SDAD1: variants seen among roughly 807,000 people sequenced by gnomAD.
SDAD1 encodes the protein protein SDA1 homolog.
A neutral mutation model predicts 100.3 loss-of-function variants in SDAD1; 79 were observed. That is an observed-to-expected ratio of 0.79 (90% CI 0.66 to 0.95). The LOEUF (loss-of-function observed/expected upper bound fraction) is 0.95, where lower values mean the gene tolerates loss of function less well. Ranked by LOEUF, SDAD1 falls within the 40% of genes least tolerant of loss-of-function variation. The probability of loss-of-function intolerance (pLI) is 0.00; values close to 1 mark genes in which losing one functional copy is unlikely to be tolerated. For missense variants in SDAD1, 790 were observed against 810.9 expected (o/e 0.97, Z 0.31); for synonymous variants, 267 against 271.4 (o/e 0.98, Z 0.16).
At chr4:75,952,273 C>CTCAT (rs1728662532) in intron 21 of SDAD1, among the ~76,000 whole-genome samples, 1 of 152,194 alleles carries the variant, frequency 6.6e-6, no homozygotes, top group African/African-American at 2.4e-5. Context: ...ATAGTGAAGT[C>CTCAT]TCATGCTAAG....
intron 13 of SDAD1, 128 bp downstream of exon 13, chr4:75,965,636 C>A: frequency 1.3e-6 from 1 of 767,548 alleles, no homozygotes; most frequent in Non-Finnish European, 2.3e-6. Flanking sequence ...CTCAGACCAT[C>A]TGACAAGAAA....
chr4:75,952,441 T>C (rs1023260778), intron 21 of SDAD1, among the ~76,000 whole-genome samples: 2 of 152,228 alleles, frequency 1.3e-5, no homozygotes, highest in African/African-American at 4.8e-5. Flanking sequence ...TTTCTTCTTT[T>C]ATCTTTCTAC....
In SDAD1 at chr4:75,954,938, G is replaced by A. The variant is rs559874748; in HGVS notation, c.2016+1037C>T. Among the ~76,000 whole-genome samples, 109 of 152,276 alleles carry A rather than the reference G, an allele frequency of 7.2e-4. No individual in the cohort carries two copies. The Middle Eastern group carries it at 0.01, about 14-fold the overall frequency. On this transcript the variant is annotated intron_variant, in intron 21 of 21. Transcript: ENST00000356260. ...CCCTTATCTTGCCACGGCTCTTGTA[G>A]GTCTCTTCAAGAGTAAGGCATACTA...
intron 6 of SDAD1, 108 bp downstream of exon 6, chr4:75,975,636 A>C: frequency 3.0e-6 from 2 of 673,478 alleles, no homozygotes; most frequent in South Asian, 2.3e-5. Flanking sequence ...CTATGACATA[A>C]GTATATTAAA....
chr4:75,967,995 G>C (rs1045692486), intron 11 of SDAD1, among the ~76,000 whole-genome samples: 4 of 152,186 alleles, frequency 2.6e-5, no homozygotes, highest in African/African-American at 9.7e-5. Context: ...TATCAGTTAG[G>C]TGGGAATAAA....
intron 3 of SDAD1, among the ~76,000 whole-genome samples, chr4:75,978,620 G>A (rs1310650565): frequency 6.6e-6 from 1 of 151,960 alleles, no homozygotes; most frequent in Non-Finnish European, 1.5e-5. Flanking sequence ...AAGTCTTGGG[G>A]CAGGAAAAAC....
Position 75,985,329 on chromosome 4 carries a change from G to C in SDAD1, c.91-3292C>G, listed in dbSNP as rs900879461. 2.6e-5 allele frequency among the ~76,000 whole-genome samples: 4 copies of C among 152,100 alleles called. No individual in the cohort carries two copies. The South Asian group carries it at 8.3e-4, about 32-fold the overall frequency. ...GCCCAGTCATTCAGATGCTCTATGG[G>C]AACAGTGGTTTTCTCCTGACACACT... On this transcript the variant is annotated intron_variant, in intron 1 of 21. Coordinates refer to ENST00000356260, the MANE Select transcript of SDAD1 (RefSeq NM_018115.4).
At chr4:75,974,877 T>C (rs1177821694) in intron 6 of SDAD1, among the ~76,000 whole-genome samples, 2 of 150,644 alleles carry the variant, frequency 1.3e-5, no homozygotes, top group South Asian at 2.1e-4. Flanking sequence ...CCGTCTCTAC[T>C]AAAATACAAA....
In SDAD1 at chr4:75,982,128, T is replaced by C. The variant is rs955823366; in HGVS notation, c.91-91A>G. 5.7e-6 allele frequency: 4 copies of C among 705,886 alleles called. No individual in the cohort carries two copies. In the African/African-American group the frequency reaches 7.4e-5, roughly 13 times the overall value. The allele number at this position is 705,886 out of a possible 1,614,324, so 43.7% of individuals were successfully genotyped here. ...GTAGAGAAATTCTTAGTAGAAACTG[T>C]TGACGATCACATGGAGAAAAAGATA... is the stretch of plus-strand genomic sequence containing the variant. On this transcript the variant is annotated intron_variant, in intron 1 of 21. Transcript: ENST00000356260.
At chr4:75,990,591 C>T (rs1731198332) in intron 1 of SDAD1, 161 bp downstream of exon 1, 2 of 1,472,774 alleles carry the variant, frequency 1.4e-6, no homozygotes, top group Non-Finnish European at 9.3e-7. Context: ...AACCCTAAGG[C>T]ATGTCCCGTC....
intron 4 of SDAD1, 44 bp downstream of exon 4, chr4:75,977,602 T>A (rs1730223930): frequency 8.3e-7 from 1 of 1,208,388 alleles, no homozygotes; most frequent in East Asian, 2.3e-5. Flanking sequence ...AAATTTTATG[T>A]CGCCTCAAGG....
chr4:75,989,061 C>G (rs1731077011), intron 1 of SDAD1, among the ~76,000 whole-genome samples: 1 of 152,176 alleles, frequency 6.6e-6, no homozygotes, highest in Non-Finnish European at 1.5e-5. Flanking sequence ...TAAAACTCTT[C>G]AATCACTCCC....
In SDAD1 at chr4:75,965,855, C is replaced by A; in HGVS notation, c.1046-33G>T. The A allele has an allele frequency of 1.9e-6, 3 of 1,585,858 alleles. No homozygotes were observed. In the South Asian group the frequency reaches 3.3e-5, roughly 18 times the overall value. ...CATAAGAGAACAGAAAGGTCATGGT[C>A]AGTGTATCACCCTGCCTCTGAGGAC... On this transcript the variant is annotated intron_variant, in intron 12 of 21. Transcript: ENST00000356260.
Position 75,957,352 on chromosome 4 carries a change from G to A in SDAD1, c.1827C>T (p.Asp609=). 2.5e-6 allele frequency: 4 copies of A among 1,614,084 alleles called. No individual in the cohort carries two copies. The highest frequency in any genetic ancestry group is 3.4e-6 in the Non-Finnish European group (4 of 1,179,986). ...IERLHKKPKS[D]KETRLATAMA... Reference sequence around the variant, plus strand: ...TTGCAGTTGCTAGTCTTGTCTCTTTGTCAGACTTTGGCTTTTTATGAAGGC... The same window carrying A: ...TTGCAGTTGCTAGTCTTGTCTCTTTATCAGACTTTGGCTTTTTATGAAGGC... Residue 609 remains aspartate, a synonymous_variant, in exon 20 of 22, where the codon GAC becomes GAT. Transcript: ENST00000356260.
intron 19 of SDAD1, 29 bp from the exon 20 acceptor site, chr4:75,957,438 A>G (rs1312158568): frequency 1.2e-6 from 2 of 1,613,078 alleles, no homozygotes; most frequent in Non-Finnish European, 1.7e-6. Context: ...AACACATGAA[A>G]CAAGAATGGA....
chr4:75,960,981 TTTGTGAGA>T, intron 16 of SDAD1, 39 bp downstream of exon 16: 1 of 1,504,114 alleles, frequency 6.6e-7, no homozygotes, highest in Non-Finnish European at 9.2e-7. Flanking sequence ...TTTCTCTCAG[TTTGTGAGA>T]CCATAACCTT....
chr4:75,966,770 T>TTC (rs745800389), intron 12 of SDAD1, among the ~76,000 whole-genome samples: 12 of 152,154 alleles, frequency 7.9e-5, no homozygotes, highest in Non-Finnish European at 1.6e-4. Context: ...TGTTGTTGTT[T>TTC]TCTTTTCTTT....
chr4:75,957,892 T>G lies in SDAD1; in HGVS notation c.1533A>C (p.Glu511Asp). The change falls in exon 18 of 22, where the codon GAA becomes GAC. Residue 511 changes from glutamate (E) to aspartate (D), a missense_variant. Physicochemically the swap from Glu to Asp is conservative, Grantham distance 45. Coordinates refer to ENST00000356260, the MANE Select transcript of SDAD1 (RefSeq NM_018115.4). ...SLSEEEDADGEWIDVQHSSDE... is the reference protein window; with the variant it reads ...SLSEEEDADGDWIDVQHSSDE... ...CGGAAGAGTGTTGCACATCAATCCA[T>G]TCACCATCAGCATCCTCCTCCTCAC... The G allele has an allele frequency of 6.2e-7, 1 of 1,613,482 alleles. No individual in the cohort carries two copies. Among genetic ancestry groups the G allele is most frequent in the Non-Finnish European group, 8.5e-7 (1 of 1,180,012 alleles).
At position 75,970,367 on chromosome 4, in the gene SDAD1, CT is replaced by C. The variant is rs763181092; in HGVS notation, c.824del (p.Lys275ArgfsTer15). 1.2e-6 allele frequency: 2 copies of C among 1,613,032 alleles called. No homozygotes were observed. Among genetic ancestry groups the C allele is most frequent in the South Asian group, 1.1e-5 (1 of 91,056 alleles). On this transcript the variant is annotated frameshift_variant, in exon 10 of 22. Transcript: ENST00000356260. LOFTEE classifies it high-confidence loss of function. ...KAMKVLKKQK[K>X]KKKPEVFNFS... ...AGTTAAACACCTCTGGTTTTTTCTT[CT>C]TTTTTTGTTTCTGAAAGGGAGAGGA...
Sources: allele counts gnomAD v4.1 joint callset (sites outside exome capture counted in the v4.1 genomes callset), GRCh38; gene constraint gnomAD v4.1.1; transcripts MANE v1.5; gene names NCBI Gene and HGNC (gene_info 2026-07-23, HGNC 2026-07-21).